Variants in MTG2 observed in about 807,000 individuals in gnomAD.
MTG2 encodes mitochondrial ribosome-associated GTPase 2.
In MTG2, 23 loss-of-function variants were observed where a neutral mutation model predicts 28.6. The observed-to-expected ratio is 0.80, with a 90% CI of 0.58 to 1.14. The LOEUF (loss-of-function observed/expected upper bound fraction) is 1.14, where lower values mean the gene tolerates loss of function less well. Ranked by LOEUF, MTG2 falls within the 50% of genes most tolerant of loss-of-function variation. MTG2 has a pLI of 0.00. For missense variants in MTG2, 539 were observed against 552.0 expected, an observed-to-expected ratio of 0.98 and a Z score of 0.24; for synonymous variants, 260 against 251.8, an observed-to-expected ratio of 1.03 and a Z score of -0.31.
chr20:62,184,939 G>A lies in MTG2; in HGVS notation c.-6+1882G>A, dbSNP rs142017752. 1.4e-3 allele frequency among the ~76,000 whole-genome samples: 208 copies of A among 151,966 alleles called. 1 individual carries two copies. The East Asian group carries it at 0.026, about 19-fold the overall frequency. On this transcript the variant is annotated intron_variant, in intron 1 of 6. Transcript: ENST00000370823. Reference sequence around the variant, plus strand: ...AGCCTGGCCAACACGGTGAAACCCCGTCTCTATTAAAAATACAAAAATGAG... The same window carrying A: ...AGCCTGGCCAACACGGTGAAACCCCATCTCTATTAAAAATACAAAAATGAG...
chr20:62,198,942 A>T, intron 5 of MTG2, 90 bp downstream of exon 5: 1 of 1,573,308 alleles, frequency 6.4e-7, no homozygotes, highest in African/African-American at 1.3e-5. Flanking sequence ...GGCCTGGAAG[A>T]GAACAGCTTT....
In MTG2 at chr20:62,197,896, C is replaced by A. The variant is rs148174053; in HGVS notation, c.397C>A (p.Gln133Lys). The part of the protein sequence containing the change: ...KSLSSVLSRY[Q>K]GFSGEDGGSK... ...CCTGTCGTCGGTCCTGTCGCGGTAC[C>A]AGGGTTTCAGTGGAGAAGATGGAGG... The change falls in exon 4 of 7, where the codon CAG (glutamine) becomes AAG (lysine). Residue 133 changes from glutamine to lysine, a missense_variant. Transcript: ENST00000370823. The A allele has an allele frequency of 6.2e-7, 1 of 1,614,214 alleles. No individual in the cohort carries two copies. The highest frequency in any genetic ancestry group is 1.3e-5 in the African/African-American group (1 of 75,054).
At chr20:62,191,405 G>C (rs2057956156) in intron 1 of MTG2, among the ~76,000 whole-genome samples, 1 of 152,206 alleles carries the variant, frequency 6.6e-6, no homozygotes, top group Non-Finnish European at 1.5e-5. Context: ...CACATGGACT[G>C]TTCTGGGTGC....
At position 62,200,724 on chromosome 20, in the gene MTG2, A is replaced by C; in HGVS notation, c.868A>C (p.Arg290=). 6.2e-7 allele frequency: 1 copy of C among 1,613,044 alleles called. No individual in the cohort carries two copies. Among genetic ancestry groups the C allele is most frequent in the Non-Finnish European group, 8.5e-7 (1 of 1,179,908 alleles). The part of the protein sequence containing the change: ...PGIIRGAHQN[R]GLGSAFLRHI... ...CATCATACGAGGCGCCCACCAGAAC[A>C]GGGGTCTGGGGTCCGCCTTCCTCAG... The change falls in exon 7 of 7, where the codon AGG becomes CGG. Residue 290 remains arginine, a synonymous_variant. Transcript: ENST00000370823.
Position 62,199,126 on chromosome 20 carries a change from T to G in MTG2, c.695T>G (p.Phe232Cys). The change falls in exon 6 of 7, where the codon TTC becomes TGC. Residue 232 changes from phenylalanine to cysteine, a missense_variant. Transcript: ENST00000370823. ...CTTCCCTCTTTCCCCCAGGTGGGAT[T>G]CCCCAACGCCGGGAAGTCCTCACTG... ...KTVAHAGMVG[F>C]PNAGKSSLLR... is the part of the protein sequence containing the mutation. The G allele has an allele frequency of 1.9e-6, 3 of 1,613,970 alleles. No homozygotes were observed. The highest frequency in any genetic ancestry group is 2.5e-6 in the Non-Finnish European group (3 of 1,179,968).
rs899927361 is a variant in MTG2 at position 62,200,900 on chromosome 20, C to T, written c.1044C>T (p.Asp348=). The T allele has an allele frequency of 2.5e-6, 4 of 1,614,048 alleles. No individual in the cohort carries two copies. Among genetic ancestry groups the T allele is most frequent in the Non-Finnish European group, 3.4e-6 (4 of 1,180,048 alleles). ...ACGCAATCGTCGCAAACAAGATTGA[C>T]CTCCCTGAAGCCCAAGCCAATCTGT... ...RPHAIVANKI[D]LPEAQANLSQ... Residue 348 remains aspartate, a synonymous_variant, in exon 7 of 7, where the codon GAC becomes GAT. Transcript: ENST00000370823.
At chr20:62,185,645 A>G (rs906851688) in intron 1 of MTG2, among the ~76,000 whole-genome samples, 1 of 152,158 alleles carries the variant, frequency 6.6e-6, no homozygotes, top group African/African-American at 2.4e-5. Context: ...TTGTCTCAAA[A>G]AAAAACCTTT....
At chr20:62,193,690 G>A (rs540295685) in intron 2 of MTG2, 66 bp downstream of exon 2, 1 of 1,449,244 alleles carries the variant, frequency 6.9e-7, no homozygotes, top group East Asian at 2.5e-5. Context: ...TGTGGTTTCG[G>A]GTCCTCCTCT....
Position 62,193,877 on chromosome 20 carries a change from C to G in MTG2, c.204+253C>G. On this transcript the variant is annotated intron_variant, in intron 2 of 6. Transcript: ENST00000370823. ...CCGTGATACAGGCTGCTCATTTTCC[C>G]ATGAGCCTGTGTATTTTACATGTAT... 6.0e-6 allele frequency: 3 copies of G among 501,664 alleles called. No individual in the cohort carries two copies. The South Asian group carries it at 7.2e-5, about 12-fold the overall frequency. 31.1% of individuals were successfully genotyped at this position (501,664 alleles called of 1,614,324 possible).
Position 62,198,755 on chromosome 20 carries a change from C to T in MTG2, c.590C>T (p.Ala197Val). 1 of 1,614,132 alleles carries T rather than the reference C, an allele frequency of 6.2e-7. No homozygotes were observed. Among genetic ancestry groups the T allele is most frequent in the Non-Finnish European group, 8.5e-7 (1 of 1,180,036 alleles). ...AGGKGNRFFL[A>V]NNNRAPVTCT... is the part of the protein sequence containing the mutation. ...GGGAAAGGCAACCGCTTCTTCCTGG[C>T]CAACAACAACCGTGCCCCTGTGACC... The change falls in exon 5 of 7, where the codon GCC becomes GTC. Residue 197 changes from alanine (A) to valine (V), a missense_variant. Physicochemically the swap from Ala to Val is moderately conservative, Grantham distance 64. Coordinates refer to ENST00000370823, the MANE Select transcript of MTG2 (RefSeq NM_015666.4).
intron 1 of MTG2, among the ~76,000 whole-genome samples, chr20:62,186,528 G>GGTT (rs1568780789): frequency 7.9e-6 from 1 of 127,048 alleles, no homozygotes; most frequent in South Asian, 2.6e-4. Flanking sequence ...TTTTTTTTTT[G>GGTT]TTTTTTTTTT....
Position 62,201,174 on chromosome 20 carries a change from G to C in MTG2, c.*97G>C. ...GCATAAAGTGCCTTGTGGACACGGGGGAGTTGTGGTGCTTCTGGGTCTCTG... is the reference window on the plus strand; with the variant it reads ...GCATAAAGTGCCTTGTGGACACGGGCGAGTTGTGGTGCTTCTGGGTCTCTG... On this transcript the variant is annotated 3_prime_UTR_variant, in exon 7 of 7. Coordinates refer to ENST00000370823, the MANE Select transcript of MTG2 (RefSeq NM_015666.4). The C allele has an allele frequency of 7.2e-7, 1 of 1,396,418 alleles. No homozygotes were observed. Among genetic ancestry groups the C allele is most frequent in the East Asian group, 2.5e-5 (1 of 40,814 alleles). The allele number at this position is 1,396,418 out of a possible 1,614,324, so 86.5% of individuals were successfully genotyped here.
At chr20:62,188,344 TC>T (rs997575134) in intron 1 of MTG2, among the ~76,000 whole-genome samples, 1 of 151,702 alleles carries the variant, frequency 6.6e-6, no homozygotes, top group African/African-American at 2.4e-5. Context: ...TTCATATACT[TC>T]CCCCCAGCCC....
At chr20:62,185,075 T>G (rs2057813032) in intron 1 of MTG2, among the ~76,000 whole-genome samples, 2 of 150,262 alleles carry the variant, frequency 1.3e-5, no homozygotes, top group South Asian at 4.2e-4. Context: ...CCACCATTGC[T>G]CTCCAACCTG....
At chr20:62,189,997 A>G (rs1361423456) in intron 1 of MTG2, among the ~76,000 whole-genome samples, 2 of 152,210 alleles carry the variant, frequency 1.3e-5, no homozygotes, top group African/African-American at 4.8e-5. Context: ...TTATATGGTT[A>G]GATTTAGGTG....
chr20:62,190,792 A>G (rs1176770418), intron 1 of MTG2, among the ~76,000 whole-genome samples: 2 of 152,216 alleles, frequency 1.3e-5, no homozygotes, highest in African/African-American at 4.8e-5. Flanking sequence ...CTGGGGAGGA[A>G]GTCCGCAGGG....
chr20:62,200,581 G>C, intron 6 of MTG2, 102 bp from the exon 7 acceptor site: 2 of 1,385,934 alleles, frequency 1.4e-6, no homozygotes, highest in Non-Finnish European at 1.9e-6. Context: ...ATCCGCCTTC[G>C]CAGTGGGCTC....
intron 6 of MTG2, 114 bp downstream of exon 6, chr20:62,199,371 C>G: frequency 7.4e-7 from 1 of 1,345,102 alleles, no homozygotes; most frequent in Non-Finnish European, 1.0e-6. Flanking sequence ...GTTGGCCAGG[C>G]GTGGTGGCTC....
At chr20:62,194,586 A>AT (rs983886181) in intron 2 of MTG2, among the ~76,000 whole-genome samples, 3 of 151,940 alleles carry the variant, frequency 2.0e-5, no homozygotes, top group East Asian at 1.9e-4. Context: ...AAATTTTTAA[A>AT]TTTTTTTTTG....
Sources: gnomAD v4.1 joint callset for allele counts (sites outside exome capture counted in the v4.1 genomes callset) on GRCh38, gnomAD v4.1.1 for gene constraint, MANE v1.5 for transcripts, NCBI Gene and HGNC (gene_info 2026-07-23, HGNC 2026-07-21) for gene names.